CDYL: variants seen among roughly 807,000 people sequenced by gnomAD.
CDYL encodes the protein chromodomain Y like.
Under a neutral mutation model 47.3 loss-of-function variants are expected in CDYL, and 8 were observed. The observed-to-expected ratio is 0.17, with a 90% CI of 0.10 to 0.31. The LOEUF is 0.31. CDYL is among the 10% of genes least tolerant of loss of function. The probability of loss-of-function intolerance (pLI) is 1.00; values close to 1 mark genes in which losing one functional copy is unlikely to be tolerated. For missense variants in CDYL, 471 were observed against 701.4 expected (o/e 0.67, Z 3.71); for synonymous variants, 266 against 265.0 (o/e 1.00, Z -0.04).
At chr6:4,706,962 A>G (rs1757057540) in intron 1 of CDYL, among the ~76,000 whole-genome samples, 1 of 152,282 alleles carries the variant, frequency 6.6e-6, no homozygotes, top group South Asian at 2.1e-4. Flanking sequence ...GCAATGCTGA[A>G]CAGAGCCTAA....
intron 1 of CDYL, among the ~76,000 whole-genome samples, chr6:4,788,065 C>A (rs897199185): frequency 7.2e-5 from 11 of 152,120 alleles, no homozygotes; most frequent in African/African-American, 2.6e-4. Flanking sequence ...AGCCACCGCA[C>A]CTGGTCGAAA....
chr6:4,877,667 CTT>C (rs1229815294), intron 1 of CDYL, among the ~76,000 whole-genome samples: 2 of 152,188 alleles, frequency 1.3e-5, no homozygotes, highest in African/African-American at 4.8e-5. Flanking sequence ...CTGGTGCTCT[CTT>C]GTTTCATTGA....
chr6:4,911,938 GA>G (rs1757425603), intron 2 of CDYL, among the ~76,000 whole-genome samples: 1 of 152,230 alleles, frequency 6.6e-6, no homozygotes, highest in South Asian at 2.1e-4. Flanking sequence ...TAGTTTCAGA[GA>G]AAGAGACAAA....
intron 2 of CDYL, among the ~76,000 whole-genome samples, chr6:4,922,302 G>T (rs924435873): frequency 6.6e-6 from 1 of 152,176 alleles, no homozygotes; most frequent in African/African-American, 2.4e-5. Context: ...TGAAAAGCCA[G>T]TATGATCGTT....
intron 2 of CDYL, among the ~76,000 whole-genome samples, chr6:4,916,297 G>T (rs1350101418): frequency 6.6e-6 from 1 of 152,180 alleles, no homozygotes; most frequent in African/African-American, 2.4e-5. Flanking sequence ...GTTTGGAGTG[G>T]CCATCTTTTT....
Position 4,840,048 on chromosome 6 carries a change from G to A in CDYL, c.25-51665G>A, listed in dbSNP as rs1033852422. 7.2e-5 allele frequency among the ~76,000 whole-genome samples: 11 copies of A among 152,106 alleles called. No individual in the cohort carries two copies. The South Asian group carries it at 1.5e-3, about 20-fold the overall frequency. On this transcript the variant is annotated intron_variant, in intron 1 of 6. Coordinates refer to ENST00000397588, the MANE Select transcript of CDYL (RefSeq NM_004824.4). ...CACAATATTGATTCTACCTCTCCAT[G>A]GGCATGGGATGTGTTTCCATTTGAT... is the stretch of plus-strand genomic sequence containing the variant.
intron 1 of CDYL, among the ~76,000 whole-genome samples, chr6:4,830,476 C>A (rs1376301429): frequency 6.6e-6 from 1 of 152,162 alleles, no homozygotes; most frequent in South Asian, 2.1e-4. Flanking sequence ...CTGGCAGGCA[C>A]TCCACAACTC....
intron 1 of CDYL, among the ~76,000 whole-genome samples, chr6:4,780,636 C>T (rs981365390): frequency 1.3e-5 from 2 of 152,118 alleles, no homozygotes; most frequent in East Asian, 3.9e-4. Context: ...TAAACTTTCT[C>T]ATCAGTAAAA....
intron 1 of CDYL, among the ~76,000 whole-genome samples, chr6:4,803,541 G>A (rs1452112194): frequency 1.3e-5 from 2 of 152,108 alleles, no homozygotes; most frequent in Non-Finnish European, 2.9e-5. Context: ...TAACAGGATT[G>A]ACAGACGATA....
chr6:4,928,946 C>A (rs1757955826), intron 2 of CDYL, among the ~76,000 whole-genome samples: 1 of 152,092 alleles, frequency 6.6e-6, no homozygotes, highest in African/African-American at 2.4e-5. Flanking sequence ...TGAGGCCAAG[C>A]AGTTACTACT....
At chr6:4,840,776 G>A (rs1318811372) in intron 1 of CDYL, among the ~76,000 whole-genome samples, 1 of 152,144 alleles carries the variant, frequency 6.6e-6, no homozygotes, top group African/African-American at 2.4e-5. Flanking sequence ...TTTTTGAAGT[G>A]TTGTTGGATT....
intron 1 of CDYL, 89 bp downstream of exon 1, chr6:4,776,896 C>T (rs1758473814): frequency 3.9e-6 from 2 of 508,626 alleles, no homozygotes; most frequent in African/African-American, 2.1e-5. Flanking sequence ...GCTCGCCGCC[C>T]GCGCCCGCCG....
chr6:4,802,320 C>T (rs768451546), intron 1 of CDYL, among the ~76,000 whole-genome samples: 2 of 152,100 alleles, frequency 1.3e-5, no homozygotes, highest in Non-Finnish European at 2.9e-5. Flanking sequence ...TGAGTCTCAC[C>T]TGAGGCCAGG....
At chr6:4,915,524 C>T (rs1319589233) in intron 2 of CDYL, among the ~76,000 whole-genome samples, 2 of 152,068 alleles carry the variant, frequency 1.3e-5, no homozygotes, top group African/African-American at 4.8e-5. Flanking sequence ...ATACCCTTAC[C>T]GCTTTGGAGT....
chr6:4,802,732 C>T (rs1561644708), intron 1 of CDYL, among the ~76,000 whole-genome samples: 1 of 138,314 alleles, frequency 7.2e-6, no homozygotes, highest in Admixed American at 7.9e-5. Flanking sequence ...TTATTTTGTT[C>T]TTTTTTTTTC....
chr6:4,707,418 C>T (rs59626728), intron 1 of CDYL, among the ~76,000 whole-genome samples: 4,730 of 152,260 alleles, frequency 0.031, 264 homozygotes, highest in African/African-American at 0.11. Flanking sequence ...GCTGGGACTA[C>T]AGGCATGTGA....
At chr6:4,802,790 C>G (rs1759261586) in intron 1 of CDYL, among the ~76,000 whole-genome samples, 1 of 53,712 alleles carries the variant, frequency 1.9e-5, no homozygotes, top group Non-Finnish European at 3.3e-5. Context: ...TTTTTCTGTT[C>G]TTCTTTTTAT....
intron 2 of CDYL, among the ~76,000 whole-genome samples, chr6:4,912,981 C>T (rs1304528708): frequency 1.3e-5 from 2 of 152,226 alleles, no homozygotes; most frequent in Admixed American, 1.3e-4. Flanking sequence ...CAAACCATAG[C>T]AGCTGCTGAC....
rs373146848 is a variant in CDYL at position 4,892,733 on chromosome 6, G to A, written c.691+354G>A. 5.3e-5 allele frequency among the ~76,000 whole-genome samples: 8 copies of A among 152,130 alleles called. No individual in the cohort carries two copies. The East Asian group carries it at 1.3e-3, about 26-fold the overall frequency. On this transcript the variant is annotated intron_variant, in intron 2 of 6. Coordinates refer to ENST00000397588, the MANE Select transcript of CDYL (RefSeq NM_004824.4). ...TGCTGAGTCTTGTCTCGTGTTAAGCGTTTTCTTCTAAGTGTGGCCAGCATT... is the reference window on the plus strand; with the variant it reads ...TGCTGAGTCTTGTCTCGTGTTAAGCATTTTCTTCTAAGTGTGGCCAGCATT...
Sources: gnomAD v4.1 joint callset for allele counts (sites outside exome capture counted in the v4.1 genomes callset) on GRCh38, gnomAD v4.1.1 for gene constraint, MANE v1.5 for transcripts, NCBI Gene and HGNC (gene_info 2026-07-23, HGNC 2026-07-21) for gene names.